The following CAST variants were observed in gnomAD, a reference collection of about 807,000 sequenced individuals.
CAST encodes the protein calpastatin.
A neutral mutation model predicts 119.6 loss-of-function variants in CAST; 76 were observed. The ratio of observed to expected loss-of-function variants is 0.64; its 90% CI spans 0.53 to 0.77. The LOEUF is 0.77. Among genes scored for constraint, CAST ranks in the 30% least tolerant of loss-of-function variants. CAST has a pLI of 0.00. For missense variants in CAST, 953 were observed against 946.5 expected, an observed-to-expected ratio of 1.01 and a Z score of -0.09; for synonymous variants, 319 against 331.6, an observed-to-expected ratio of 0.96 and a Z score of 0.41.
rs902469115 is a variant in CAST, at chr5:96,755,662, A to G, written c.1710+921A>G. 3.9e-5 allele frequency among the ~76,000 whole-genome samples: 6 copies of G among 152,358 alleles called. No homozygotes were observed. In the East Asian group the frequency reaches 9.6e-4, roughly 24 times the overall value. On this transcript the variant is annotated intron_variant, in intron 22 of 31. Coordinates refer to ENST00000675179, the MANE Select transcript of CAST (RefSeq NM_001750.7). Reference sequence around the variant, plus strand: ...CTTCATTAACAATTCTAGAAAATCAAATTCATGCTTCTCACTCATCCATGT... The same window carrying G: ...CTTCATTAACAATTCTAGAAAATCAGATTCATGCTTCTCACTCATCCATGT...
intron 1 of CAST, among the ~76,000 whole-genome samples, chr5:96,625,988 C>T (rs1276102675): frequency 6.6e-6 from 1 of 152,200 alleles, no homozygotes; most frequent in Non-Finnish European, 1.5e-5. Context: ...TTCCTCCCAT[C>T]CTCCTCAGGA....
the CAST span, among the ~76,000 whole-genome samples, chr5:96,068,438 C>T: frequency 1.3e-5 from 2 of 152,030 alleles, no homozygotes; most frequent in Admixed American, 6.6e-5. Flanking sequence ...GCCCTACTGC[C>T]TCACATTTTT....
rs983839833 is a variant in CAST at position 96,560,039 on chromosome 5, A to G, written c.60+30159A>G. ...ACCAATGGAACAGAATAGAGCCCTC[A>G]GAAATAATGCCACATATCTACAACT... On this transcript the variant is annotated intron_variant, in intron 1 of 11. Coordinates refer to the CAST transcript ENST00000505143. Among the ~76,000 whole-genome samples the G allele has an allele frequency of 1.4e-4, 22 of 152,344 alleles. No individual in the cohort carries two copies. In the East Asian group the frequency reaches 1.9e-3, roughly 13 times the overall value.
At chr5:96,663,691 A>G (rs976480335) in intron 1 of CAST, among the ~76,000 whole-genome samples, 1 of 152,204 alleles carries the variant, frequency 6.6e-6, no homozygotes, top group Admixed American at 6.5e-5. Flanking sequence ...ATCTGAGACC[A>G]AGACCCTTGG....
In CAST at chr5:96,730,898, T is replaced by C. The variant is rs775836754; in HGVS notation, c.630+38T>C. 4 of 1,463,120 alleles carry C rather than the reference T, an allele frequency of 2.7e-6. No individual in the cohort carries two copies. The South Asian group carries it at 3.4e-5, about 12-fold the overall frequency. The allele number at this position is 1,463,120 out of a possible 1,614,324, so 90.6% of individuals were successfully genotyped here. On this transcript the variant is annotated intron_variant, in intron 9 of 31. Coordinates refer to ENST00000675179, the MANE Select transcript of CAST (RefSeq NM_001750.7). ...AAGCAGACGGAAACGTGGGCCTCTG[T>C]GCTTCTCAAGTTTCTTTTATGAGAA...
At chr5:96,173,256 A>G in the CAST span, among the ~76,000 whole-genome samples, 1 of 152,210 alleles carries the variant, frequency 6.6e-6, no homozygotes, top group African/African-American at 2.4e-5. Flanking sequence ...GAGATGTTAA[A>G]TTGGATATAA....
the CAST span, among the ~76,000 whole-genome samples, chr5:96,237,374 T>C: frequency 1.3e-5 from 2 of 152,198 alleles, no homozygotes; most frequent in African/African-American, 2.4e-5. Context: ...TTAGCCTTTT[T>C]TGGGGGGAGT....
At chr5:96,051,246 GTC>G in the CAST span, among the ~76,000 whole-genome samples, 6 of 152,244 alleles carry the variant, frequency 3.9e-5, no homozygotes, top group East Asian at 7.7e-4. Context: ...AAATCAAGAA[GTC>G]TCTCTGCATT....
the CAST span, among the ~76,000 whole-genome samples, chr5:95,990,354 A>G: frequency 6.6e-6 from 1 of 152,116 alleles, no homozygotes; most frequent in South Asian, 2.1e-4. Context: ...CAATTTGATG[A>G]GGAAGTTTCC....
the CAST span, among the ~76,000 whole-genome samples, chr5:96,091,884 T>A: frequency 1.3e-5 from 2 of 152,214 alleles, no homozygotes; most frequent in African/African-American, 4.8e-5. Flanking sequence ...GTGTGCTTAG[T>A]ACCTGGCACA....
At chr5:96,190,809 G>A in the CAST span, among the ~76,000 whole-genome samples, 1 of 152,032 alleles carries the variant, frequency 6.6e-6, no homozygotes, top group Non-Finnish European at 1.5e-5. Flanking sequence ...TGAGGTTTGG[G>A]TACGGATGGA....
intron 2 of CAST, among the ~76,000 whole-genome samples, chr5:96,691,639 A>T (rs868078912): frequency 6.6e-6 from 1 of 152,174 alleles, no homozygotes; most frequent in Non-Finnish European, 1.5e-5. Context: ...TCCTCAGGAT[A>T]TGTTGTAACT....
At chr5:96,550,451 T>C (rs263382) in intron 1 of CAST, among the ~76,000 whole-genome samples, 51,475 of 152,054 alleles carry the variant, frequency 0.34, 9,356 homozygotes, top group Middle Eastern at 0.46. Flanking sequence ...AACCACAAAA[T>C]GAGGAGAAAC....
the CAST span, among the ~76,000 whole-genome samples, chr5:96,091,975 T>C: frequency 1.3e-5 from 2 of 152,212 alleles, no homozygotes; most frequent in South Asian, 4.1e-4. Flanking sequence ...AGGGAAGGTC[T>C]TTCCCTTTAT....
chr5:96,662,845 A>T (rs1477203980), intron 1 of CAST, among the ~76,000 whole-genome samples: 1 of 152,192 alleles, frequency 6.6e-6, no homozygotes, highest in Non-Finnish European at 1.5e-5. Flanking sequence ...TTCACTGGAC[A>T]GCGGGATGTA....
chr5:96,582,320 G>A (rs1746784438), intron 1 of CAST, among the ~76,000 whole-genome samples: 1 of 152,172 alleles, frequency 6.6e-6, no homozygotes, highest in Admixed American at 6.5e-5. Flanking sequence ...ACAGACTGAA[G>A]CTATTTCATT....
At chr5:96,392,735 C>T in the CAST span, 1 of 505,978 alleles carries the variant, frequency 2.0e-6, no homozygotes, top group Non-Finnish European at 3.6e-6. Context: ...AGCTTTTTGT[C>T]AACTGTGACT....
chr5:96,287,632 T>C, the CAST span, among the ~76,000 whole-genome samples: 1 of 152,172 alleles, frequency 6.6e-6, no homozygotes, highest in African/African-American at 2.4e-5. Context: ...AAGAACTATA[T>C]AAAACACTTT....
the CAST span, among the ~76,000 whole-genome samples, chr5:96,425,042 A>T: frequency 1.4e-5 from 2 of 140,488 alleles, no homozygotes; most frequent in African/African-American, 2.9e-5. Context: ...GAAAGAAAGA[A>T]AGAAAGAAAG....
Sources: gnomAD v4.1 joint callset for allele counts (sites outside exome capture counted in the v4.1 genomes callset) on GRCh38, gnomAD v4.1.1 for gene constraint, MANE v1.5 for transcripts, NCBI Gene and HGNC (gene_info 2026-07-23, HGNC 2026-07-21) for gene names.